VPS33A: variants seen among roughly 807,000 people sequenced by gnomAD.
The protein encoded by VPS33A is vacuolar protein sorting-associated protein 33A.
VPS33A carries 32 observed loss-of-function variants against 71.8 expected under a neutral mutation model. That is an observed-to-expected ratio of 0.45 (90% confidence interval 0.34 to 0.60). VPS33A has a LOEUF of 0.60. Ranked by LOEUF, VPS33A falls within the 20% of genes least tolerant of loss-of-function variation. The pLI, the probability that VPS33A is intolerant of heterozygous loss-of-function variation, is 0.02. For synonymous variants in VPS33A, 311 were observed against 292.7 expected (o/e 1.06, Z -0.64); for missense variants, 625 against 748.5 (o/e 0.84, Z 1.92).
chr12:122,232,440 C>G lies in VPS33A; in HGVS notation c.1610-13G>C. On this transcript the variant is annotated splice_polypyrimidine_tract_variant and intron_variant, in intron 12 of 12. Coordinates refer to ENST00000267199, the MANE Select transcript of VPS33A (RefSeq NM_022916.6). Reference sequence around the variant, plus strand: ...TCTCCCGGTTGACCTAAAATTTAAACATTTCAGAATTAAAAACTATTTATT... The same window carrying G: ...TCTCCCGGTTGACCTAAAATTTAAAGATTTCAGAATTAAAAACTATTTATT... The G allele has an allele frequency of 6.2e-7, 1 of 1,606,430 alleles. No homozygotes were observed. The highest frequency in any genetic ancestry group is 8.5e-7 in the Non-Finnish European group (1 of 1,176,944).
chr12:122,262,164 C>A (rs1955003347), intron 3 of VPS33A, among the ~76,000 whole-genome samples: 1 of 152,110 alleles, frequency 6.6e-6, no homozygotes, highest in Non-Finnish European at 1.5e-5. Flanking sequence ...GCACTCCAGC[C>A]TGGGCAACAG....
chr12:122,258,637 A>C (rs1481269665), intron 4 of VPS33A, among the ~76,000 whole-genome samples: 2 of 152,108 alleles, frequency 1.3e-5, no homozygotes, highest in Non-Finnish European at 2.9e-5. Context: ...GGAAATGCAA[A>C]TAAAAACTAC....
At chr12:122,246,286 CTTATT>C (rs1403692409) in intron 6 of VPS33A, among the ~76,000 whole-genome samples, 2 of 142,812 alleles carry the variant, frequency 1.4e-5, no homozygotes, top group East Asian at 1.9e-4. Context: ...CTCTCTCTCT[CTTATT>C]TTATTTATTT....
At chr12:122,265,657 C>G (rs569475354) in intron 1 of VPS33A, 7 of 447,648 alleles carry the variant, frequency 1.6e-5, no homozygotes, top group South Asian at 9.4e-5. Context: ...CTGTTCTCTA[C>G]AAGACTGAGG....
chr12:122,239,223 T>A (rs777917065), intron 9 of VPS33A, among the ~76,000 whole-genome samples: 1 of 152,158 alleles, frequency 6.6e-6, no homozygotes, highest in Admixed American at 6.5e-5. Flanking sequence ...TTTCATAAAG[T>A]GAATAATTTA....
chr12:122,265,702 G>C (rs1272150126), intron 1 of VPS33A: 9 of 454,014 alleles, frequency 2.0e-5, no homozygotes, highest in Admixed American at 9.4e-5. Flanking sequence ...TGTACTGTCA[G>C]TAACTTAGGG....
At chr12:122,233,947 G>C (rs928463297) in intron 11 of VPS33A, among the ~76,000 whole-genome samples, 5 of 152,050 alleles carry the variant, frequency 3.3e-5, no homozygotes, top group Admixed American at 2.6e-4. Context: ...TTCCCACCGG[G>C]AAAAAATCAT....
At chr12:122,253,754 G>A (rs754773462) in intron 4 of VPS33A, among the ~76,000 whole-genome samples, 9 of 151,896 alleles carry the variant, frequency 5.9e-5, no homozygotes, top group Non-Finnish European at 1.0e-4. Flanking sequence ...CTGGAGTGCA[G>A]TCGGGCAACC....
At chr12:122,244,838 A>G in intron 6 of VPS33A, 76 bp from the exon 7 acceptor site, 1 of 1,459,148 alleles carries the variant, frequency 6.9e-7, no homozygotes, top group Non-Finnish European at 9.3e-7. Context: ...AGCACAAAAC[A>G]GAATTTCCAA....
chr12:122,260,331 CCTCT>C (rs1954976531), intron 4 of VPS33A, among the ~76,000 whole-genome samples: 1 of 151,182 alleles, frequency 6.6e-6, no homozygotes, highest in South Asian at 2.1e-4. Context: ...ATAGAGTCTC[CCTCT>C]GTCGCCCAAG....
In VPS33A at chr12:122,242,246, A is replaced by C. The variant is rs570745752; in HGVS notation, c.1096+136T>G. 51 of 1,105,488 alleles carry C rather than the reference A, an allele frequency of 4.6e-5. No individual in the cohort carries two copies. The African/African-American group carries it at 6.4e-4, about 14-fold the overall frequency. The allele number at this position is 1,105,488 out of a possible 1,614,324, so 68.5% of individuals were successfully genotyped here. A position where few individuals can be genotyped will look rare whatever the true frequency, so the allele number is the denominator to read the frequency against. On this transcript the variant is annotated intron_variant, in intron 8 of 12. Transcript: ENST00000267199. ...ACTATTAACATATGTATACTTCATT[A>C]ACACTGAGAAGAACACGTGGTATTA...
intron 11 of VPS33A, 125 bp from the exon 12 acceptor site, chr12:122,233,093 C>A: frequency 9.2e-7 from 1 of 1,091,094 alleles, no homozygotes; most frequent in Non-Finnish European, 1.3e-6. Flanking sequence ...CCACCCCTGC[C>A]ATGCCTTGTT....
At chr12:122,263,542 C>T in intron 3 of VPS33A, 30 bp downstream of exon 3, 1 of 1,572,822 alleles carries the variant, frequency 6.4e-7, no homozygotes, top group Non-Finnish European at 8.6e-7. Context: ...GAACCAAACT[C>T]TTTTGGATCA....
chr12:122,263,944 A>G (rs1290835097), intron 2 of VPS33A, among the ~76,000 whole-genome samples, 190 bp downstream of exon 2: 3 of 152,224 alleles, frequency 2.0e-5, no homozygotes, highest in African/African-American at 7.2e-5. Context: ...TGGTCACATA[A>G]TATAATGCTA....
intron 10 of VPS33A, among the ~76,000 whole-genome samples, chr12:122,238,374 C>T (rs1165107145): frequency 6.6e-6 from 1 of 152,134 alleles, no homozygotes; most frequent in Non-Finnish European, 1.5e-5. Flanking sequence ...GTGCATGCTA[C>T]CATGCCTGGC....
At chr12:122,244,457 T>G in intron 7 of VPS33A, 112 bp downstream of exon 7, 1 of 908,322 alleles carries the variant, frequency 1.1e-6, no homozygotes, top group Non-Finnish European at 1.6e-6. Context: ...TGAGAAAAGT[T>G]GCATTGAAGC....
chr12:122,257,025 G>A (rs867922644), intron 4 of VPS33A, among the ~76,000 whole-genome samples: 1 of 152,072 alleles, frequency 6.6e-6, no homozygotes, highest in Non-Finnish European at 1.5e-5. Context: ...AAAGTGGGGA[G>A]GGATTATATA....
intron 4 of VPS33A, chr12:122,252,781 G>A (rs1246402397): frequency 2.0e-5 from 3 of 152,158 alleles, no homozygotes; most frequent in African/African-American, 7.2e-5. Flanking sequence ...GTAGAAGGGA[G>A]TATAGTCCAC....
chr12:122,232,126 T>C lies in VPS33A; in HGVS notation c.*120A>G. Reference sequence around the variant, plus strand: ...TAAACAGTAGTATAATTTAAGAAGCTGACCCCAGAATATATTCTGTATTCC... The same window carrying C: ...TAAACAGTAGTATAATTTAAGAAGCCGACCCCAGAATATATTCTGTATTCC... On this transcript the variant is annotated 3_prime_UTR_variant, in exon 13 of 13. Coordinates refer to ENST00000267199, the MANE Select transcript of VPS33A (RefSeq NM_022916.6). The C allele has an allele frequency of 1.1e-6, 1 of 951,856 alleles. No individual in the cohort carries two copies. Among genetic ancestry groups the C allele is most frequent in the African/African-American group, 1.7e-5 (1 of 59,420 alleles). The allele number at this position is 951,856 out of a possible 1,614,324, so 59.0% of individuals were successfully genotyped here.
Sources: allele counts gnomAD v4.1 joint callset (sites outside exome capture counted in the v4.1 genomes callset), GRCh38; gene constraint gnomAD v4.1.1; transcripts MANE v1.5; gene names NCBI Gene and HGNC (gene_info 2026-07-23, HGNC 2026-07-21).